Variants in ANKS1B observed in about 807,000 individuals in gnomAD.
ANKS1B encodes the protein ankyrin repeat and sterile alpha motif domain-containing protein 1B.
ANKS1B carries 36 observed loss-of-function variants against 148.3 expected under a neutral mutation model. The ratio of observed to expected loss-of-function variants is 0.24; its 90% CI spans 0.19 to 0.32. The LOEUF is 0.32. Among genes scored for constraint, ANKS1B ranks in the 10% least tolerant of loss-of-function variants. ANKS1B has a pLI of 1.00. For synonymous variants in ANKS1B, 542 were observed against 560.8 expected, an observed-to-expected ratio of 0.97 and a Z score of 0.47; for missense variants, 1,157 against 1,542.6, an observed-to-expected ratio of 0.75 and a Z score of 4.19.
chr12:98,804,724 A>T (rs1008429510), intron 20 of ANKS1B, among the ~76,000 whole-genome samples: 1 of 152,146 alleles, frequency 6.6e-6, no homozygotes, highest in African/African-American at 2.4e-5. Flanking sequence ...TACTATATGG[A>T]ATGGAAGAAG....
rs150720267 is a variant in ANKS1B at position 98,977,363 on chromosome 12, T to C, written c.2778+75794A>G. On this transcript the variant is annotated intron_variant, in intron 17 of 26. Coordinates refer to ENST00000683438, the MANE Select transcript of ANKS1B (RefSeq NM_001352186.2). ...GCATCCTTGGCTGAGTTATTTTCTA[T>C]AGAAGTCAGTGCCATTTTGTGGTAT... 6.0e-3 allele frequency among the ~76,000 whole-genome samples: 920 copies of C among 152,326 alleles called. 9 individuals are homozygous for C. The highest frequency in any genetic ancestry group is 0.021 in the African/African-American group (876 of 41,580).
chr12:99,845,124 C>T (rs374091222), intron 1 of ANKS1B, among the ~76,000 whole-genome samples: 1 of 152,126 alleles, frequency 6.6e-6, no homozygotes, highest in East Asian at 1.9e-4. Flanking sequence ...GCTTAAGAAG[C>T]TTTTGGGCTG....
chr12:99,136,464 A>G (rs1407687844), intron 15 of ANKS1B, among the ~76,000 whole-genome samples: 2 of 152,190 alleles, frequency 1.3e-5, no homozygotes, highest in Non-Finnish European at 2.9e-5. Context: ...AACTAAGTTG[A>G]CTTGAAACAC....
intron 17 of ANKS1B, among the ~76,000 whole-genome samples, chr12:99,014,178 G>C (rs1382126461): frequency 1.3e-5 from 2 of 151,990 alleles, no homozygotes; most frequent in African/African-American, 4.8e-5. Flanking sequence ...AACAGACACA[G>C]AGACCAATGG....
intron 17 of ANKS1B, among the ~76,000 whole-genome samples, chr12:98,946,528 TAAATC>T (rs1330372099): frequency 5.9e-5 from 9 of 151,946 alleles, no homozygotes. Context: ...AAGCAAATAA[TAAATC>T]TAATAAATCA....
chr12:99,273,420 G>C (rs917707504), intron 12 of ANKS1B, among the ~76,000 whole-genome samples: 1 of 152,016 alleles, frequency 6.6e-6, no homozygotes, highest in African/African-American at 2.4e-5. Context: ...TCTGACATAA[G>C]TCTTTGTCTA....
intron 8 of ANKS1B, among the ~76,000 whole-genome samples, chr12:99,696,955 G>A (rs946684221): frequency 6.6e-6 from 1 of 152,178 alleles, no homozygotes; most frequent in African/African-American, 2.4e-5. Context: ...AAGATATACA[G>A]ATGCCAAATA....
At chr12:98,803,652 T>C (rs1484151308) in intron 20 of ANKS1B, among the ~76,000 whole-genome samples, 1 of 152,110 alleles carries the variant, frequency 6.6e-6, no homozygotes, top group African/African-American at 2.4e-5. Context: ...CAAAAAAGTC[T>C]GAACACGGCA....
At chr12:99,508,228 T>G (rs2096731505) in intron 9 of ANKS1B, among the ~76,000 whole-genome samples, 1 of 151,844 alleles carries the variant, frequency 6.6e-6, no homozygotes, top group Admixed American at 6.6e-5. Flanking sequence ...TTTTAAATGT[T>G]TCCTAGGTGT....
At chr12:98,865,407 C>T (rs967967445) in intron 17 of ANKS1B, among the ~76,000 whole-genome samples, 1 of 152,162 alleles carries the variant, frequency 6.6e-6, no homozygotes, top group African/African-American at 2.4e-5. Flanking sequence ...CATCACCCAT[C>T]CAGTTATTTA....
chr12:99,762,888 A>G (rs577576127), intron 8 of ANKS1B, among the ~76,000 whole-genome samples: 2 of 152,206 alleles, frequency 1.3e-5, no homozygotes, highest in Middle Eastern at 3.4e-3. Flanking sequence ...TAAGTATGTG[A>G]AAAAAATCCT....
intron 12 of ANKS1B, among the ~76,000 whole-genome samples, chr12:99,289,485 G>A (rs1193544885): frequency 3.3e-5 from 5 of 151,986 alleles, no homozygotes; most frequent in Admixed American, 1.3e-4. Context: ...TCCTCAGCAC[G>A]TGGATCATTC....
intron 9 of ANKS1B, among the ~76,000 whole-genome samples, chr12:99,582,248 G>C (rs1344228963): frequency 6.6e-6 from 1 of 151,602 alleles, no homozygotes; most frequent in Non-Finnish European, 1.5e-5. Flanking sequence ...ATTCCTGATG[G>C]GAATGCAAAA....
At chr12:99,599,139 G>A (rs1487347841) in intron 9 of ANKS1B, among the ~76,000 whole-genome samples, 8 of 151,842 alleles carry the variant, frequency 5.3e-5, no homozygotes, top group Admixed American at 2.6e-4. Flanking sequence ...GATAATCCAG[G>A]ACAATCTCCC....
intron 14 of ANKS1B, among the ~76,000 whole-genome samples, chr12:99,159,954 AT>A (rs1407117793): frequency 1.3e-5 from 2 of 152,114 alleles, no homozygotes; most frequent in African/African-American, 4.8e-5. Flanking sequence ...TGTGGTTTTG[AT>A]TTGCACTTCT....
chr12:98,807,950 C>T, intron 19 of ANKS1B, 32 bp from the exon 20 acceptor site: 1 of 1,568,436 alleles, frequency 6.4e-7, no homozygotes, highest in Non-Finnish European at 8.7e-7. Context: ...CTTATCTTGT[C>T]AATATTTAAA....
intron 24 of ANKS1B, among the ~76,000 whole-genome samples, chr12:98,776,177 G>C (rs1037608344): frequency 6.6e-6 from 1 of 152,240 alleles, no homozygotes; most frequent in African/African-American, 2.4e-5. Context: ...AAAGGTCAAG[G>C]ATACTACAGT....
rs565409290 is a variant in ANKS1B, at chr12:99,628,527, G to A, written c.1272+26540C>T. ...ATTGTTGCCTTTTTTCTAAGCTTTC[G>A]TTTTTCTGTACAGGATAAAACATTT... On this transcript the variant is annotated intron_variant, in intron 9 of 26. Coordinates refer to ENST00000683438, the MANE Select transcript of ANKS1B (RefSeq NM_001352186.2). 1.5e-3 allele frequency among the ~76,000 whole-genome samples: 225 copies of A among 152,130 alleles called. 1 individual carries two copies. The highest frequency in any genetic ancestry group is 5.1e-3 in the African/African-American group (212 of 41,506).
At chr12:99,774,123 T>C (rs2063440604) in intron 7 of ANKS1B, among the ~76,000 whole-genome samples, 1 of 152,000 alleles carries the variant, frequency 6.6e-6, no homozygotes, top group African/African-American at 2.4e-5. Context: ...AAAGCAAAAA[T>C]GAACACGCAG....
Sources: allele counts gnomAD v4.1 joint callset (sites outside exome capture counted in the v4.1 genomes callset), GRCh38; gene constraint gnomAD v4.1.1; transcripts MANE v1.5; gene names NCBI Gene and HGNC (gene_info 2026-07-23, HGNC 2026-07-21).